The following RAB5A variants were observed in gnomAD, a reference collection of about 807,000 sequenced individuals.
The protein encoded by RAB5A is RAB5A, member RAS oncogene family.
RAB5A carries 8 observed loss-of-function variants against 25.7 expected under a neutral mutation model. The ratio of observed to expected loss-of-function variants is 0.31; its 90% CI spans 0.18 to 0.56. The LOEUF (loss-of-function observed/expected upper bound fraction) is 0.56, where lower values mean the gene tolerates loss of function less well. Among genes scored for constraint, RAB5A ranks in the 20% least tolerant of loss-of-function variants. The pLI, the probability that RAB5A is intolerant of heterozygous loss-of-function variation, is 0.91. For missense variants in RAB5A, 192 were observed against 259.7 expected (o/e 0.74, Z 1.79); for synonymous variants, 98 against 89.8 (o/e 1.09, Z -0.52).
chr3:19,977,374 T>C (rs1325719386), intron 4 of RAB5A, among the ~76,000 whole-genome samples: 1 of 152,206 alleles, frequency 6.6e-6, no homozygotes, highest in African/African-American at 2.4e-5. Flanking sequence ...ACGCCCGGCA[T>C]ACTTAGACCT....
At chr3:19,965,864 C>T (rs2125186378) in intron 2 of RAB5A, among the ~76,000 whole-genome samples, 1 of 152,094 alleles carries the variant, frequency 6.6e-6, no homozygotes, top group East Asian at 1.9e-4. Context: ...CGCCCAGTAG[C>T]TGGGACTACA....
At chr3:19,963,364 A>ACCCCCCCCC (rs201742105) in intron 2 of RAB5A, among the ~76,000 whole-genome samples, 6 of 60,960 alleles carry the variant, frequency 9.8e-5, no homozygotes, top group Admixed American at 2.4e-4. Context: ...TTAGAATTTC[A>ACCCCCCCCC]CCCCCCCCCC....
At chr3:19,951,151 C>G in intron 2 of RAB5A, 90 bp downstream of exon 2, 1 of 1,434,366 alleles carries the variant, frequency 7.0e-7, no homozygotes, top group Non-Finnish European at 9.5e-7. Flanking sequence ...TTATGAATAG[C>G]TAAATAAGTC....
intron 2 of RAB5A, among the ~76,000 whole-genome samples, chr3:19,955,889 T>TC (rs1202726265): frequency 2.6e-5 from 4 of 152,026 alleles, no homozygotes; most frequent in Non-Finnish European, 5.9e-5. Context: ...TCAGCGAGAC[T>TC]CCGTCTTAAA....
At chr3:19,947,717 T>G (rs1316024379) in intron 1 of RAB5A, 196 bp downstream of exon 1, 1 of 152,394 alleles carries the variant, frequency 6.6e-6, no homozygotes, top group African/African-American at 2.4e-5. Flanking sequence ...CTCCAGGGGC[T>G]CTGGAGACCG....
In RAB5A at chr3:19,947,430, A is replaced by ACCG. The variant is rs1192551858; in HGVS notation, c.-182_-180dup. The stretch of plus-strand genomic sequence containing the variant: ...AGGCGACGCCGCCGCCGCCACCACC[A>ACCG]CCGCCATAGATACACTCTCATCCTA... On this transcript the variant is annotated 5_prime_UTR_variant, in exon 1 of 6. Coordinates refer to ENST00000273047, the MANE Select transcript of RAB5A (RefSeq NM_004162.5). 43 of 157,192 alleles carry ACCG rather than the reference A, an allele frequency of 2.7e-4. No individual in the cohort carries two copies. The highest frequency in any genetic ancestry group is 6.6e-3 in the Middle Eastern group (2 of 304). 9.7% of individuals were successfully genotyped at this position (157,192 alleles called of 1,614,324 possible).
At chr3:19,983,648 G>C in intron 5 of RAB5A, 60 bp from the exon 6 acceptor site, 1 of 1,122,736 alleles carries the variant, frequency 8.9e-7, no homozygotes, top group Non-Finnish European at 1.3e-6. Context: ...AGATAAGCAG[G>C]TGAAACTGAT....
chr3:19,950,430 GT>G (rs1219562609), intron 1 of RAB5A, among the ~76,000 whole-genome samples: 2 of 152,196 alleles, frequency 1.3e-5, no homozygotes, highest in Admixed American at 1.3e-4. Flanking sequence ...GGTTGCCTGG[GT>G]TTGAAACTCG....
intron 4 of RAB5A, 39 bp from the exon 5 acceptor site, chr3:19,978,271 G>A: frequency 1.5e-6 from 2 of 1,340,670 alleles, no homozygotes; most frequent in South Asian, 2.4e-5. Flanking sequence ...ATTTCCAAGA[G>A]ATATATCTCA....
intron 5 of RAB5A, among the ~76,000 whole-genome samples, chr3:19,981,788 C>G (rs898075722): frequency 6.6e-6 from 1 of 151,952 alleles, no homozygotes; most frequent in Non-Finnish European, 1.5e-5. Context: ...GAGGTAAAGC[C>G]GTAACTGCTG....
intron 4 of RAB5A, among the ~76,000 whole-genome samples, 159 bp from the exon 5 acceptor site, chr3:19,978,151 C>T (rs1696855285): frequency 6.6e-6 from 1 of 152,124 alleles, no homozygotes; most frequent in East Asian, 1.9e-4. Flanking sequence ...AGTGCTCTTA[C>T]CTCTGTTGTA....
chr3:19,962,158 G>C (rs1416657010), intron 2 of RAB5A, among the ~76,000 whole-genome samples: 1 of 152,200 alleles, frequency 6.6e-6, no homozygotes. Flanking sequence ...AAGTCACATA[G>C]ATAGATAGCA....
At chr3:19,972,634 T>G (rs1338473206) in intron 2 of RAB5A, among the ~76,000 whole-genome samples, 1 of 152,234 alleles carries the variant, frequency 6.6e-6, no homozygotes, top group African/African-American at 2.4e-5. Flanking sequence ...TTATTAGGAA[T>G]GGATATTGAC....
intron 2 of RAB5A, among the ~76,000 whole-genome samples, chr3:19,967,480 C>T (rs1696677828): frequency 6.6e-6 from 1 of 152,180 alleles, no homozygotes; most frequent in East Asian, 1.9e-4. Flanking sequence ...TTTGTTGTTG[C>T]TGAGTTGTAG....
At chr3:19,951,167 G>T in intron 2 of RAB5A, 106 bp downstream of exon 2, 1 of 1,297,842 alleles carries the variant, frequency 7.7e-7, no homozygotes, top group Non-Finnish European at 1.1e-6. Context: ...AAGTCATAGA[G>T]TGAAGAAAAG....
At position 19,965,955 on chromosome 3, in the gene RAB5A, C is replaced by T. The variant is rs142695332; in HGVS notation, c.164-9646C>T. Among the ~76,000 whole-genome samples, 1,272 of 152,154 alleles carry T rather than the reference C, an allele frequency of 8.4e-3. 14 individuals carry two copies. The highest frequency in any genetic ancestry group is 9.0e-3 in the Non-Finnish European group (612 of 68,000). On this transcript the variant is annotated intron_variant, in intron 2 of 5. Transcript: ENST00000273047. The stretch of plus-strand genomic sequence containing the variant: ...GTTGCCCGGGCTGGTCTCGAACTCC[C>T]GGGCTCAAGCAGCATACCCGCCTGG...
intron 2 of RAB5A, among the ~76,000 whole-genome samples, chr3:19,972,062 C>G (rs754755910): frequency 6.6e-6 from 1 of 152,162 alleles, no homozygotes; most frequent in Non-Finnish European, 1.5e-5. Flanking sequence ...CTGAAATGCT[C>G]CCAAATTCTT....
At chr3:19,949,307 A>T (rs183599442) in intron 1 of RAB5A, among the ~76,000 whole-genome samples, 3 of 152,354 alleles carry the variant, frequency 2.0e-5, no homozygotes, top group Admixed American at 2.0e-4. Flanking sequence ...CTTAAGAACT[A>T]AGATCTCGTG....
At chr3:19,951,516 C>T (rs1039078634) in intron 2 of RAB5A, among the ~76,000 whole-genome samples, 6 of 152,052 alleles carry the variant, frequency 3.9e-5, no homozygotes, top group African/African-American at 1.4e-4. Flanking sequence ...TAATTAAATA[C>T]TGCTAGATGT....
Sources: gnomAD v4.1 joint callset for allele counts (sites outside exome capture counted in the v4.1 genomes callset) on GRCh38, gnomAD v4.1.1 for gene constraint, MANE v1.5 for transcripts, NCBI Gene and HGNC (gene_info 2026-07-23, HGNC 2026-07-21) for gene names.